Variants in PIGT observed in about 807,000 individuals in gnomAD.
The protein encoded by PIGT is phosphatidylinositol glycan anchor biosynthesis class T.
In PIGT, 57 loss-of-function variants were observed where a neutral mutation model predicts 66.7. The ratio of observed to expected loss-of-function variants is 0.86; its 90% CI spans 0.69 to 1.07. The LOEUF (loss-of-function observed/expected upper bound fraction) is 1.07. Among genes scored for constraint, PIGT ranks in the 50% least tolerant of loss-of-function variants. PIGT has a pLI of 0.00. For missense variants in PIGT, 725 were observed against 740.4 expected, an observed-to-expected ratio of 0.98 and a Z score of 0.24; for synonymous variants, 362 against 320.5, an observed-to-expected ratio of 1.13 and a Z score of -1.38.
Position 45,416,188 on chromosome 20 carries a change from T to A in PIGT, c.32T>A (p.Val11Asp). 1 of 1,586,118 alleles carries A rather than the reference T, an allele frequency of 6.3e-7. No individual in the cohort carries two copies. Among genetic ancestry groups the A allele is most frequent in the Non-Finnish European group, 8.6e-7 (1 of 1,167,536 alleles). Residue 11 changes from valine (V) to aspartate (D), a missense_variant, in exon 1 of 12, where the codon GTC (valine) becomes GAC (aspartate). Val to Asp is a radical substitution (Grantham distance 152). Around this residue, in one of 3 missense-constraint regions of PIGT, gnomAD observed 559 missense variants for 552.7 expected, o/e 1.01. Coordinates refer to ENST00000279036, the MANE Select transcript of PIGT (RefSeq NM_015937.6). Reference protein sequence around the residue: MAAAMPLALLVLLLLGPGGWC... With the variant: MAAAMPLALLDLLLLGPGGWC... Reference sequence around the variant, plus strand: ...GCGGCTATGCCGCTTGCTCTGCTCGTCCTGTTGCTCCTGGGGCCCGGCGGC... The same window carrying A: ...GCGGCTATGCCGCTTGCTCTGCTCGACCTGTTGCTCCTGGGGCCCGGCGGC...
chr20:45,422,870 AT>A (rs1253372934), intron 9 of PIGT: 27 of 152,064 alleles, frequency 1.8e-4, no homozygotes, highest in Admixed American at 1.7e-3. Context: ...GTTTGTTTAA[AT>A]TGGGATAAAC....
In PIGT at chr20:45,420,554, AC is replaced by A; in HGVS notation, c.899del (p.Pro300ArgfsTer10). On this transcript the variant is annotated frameshift_variant, in exon 8 of 12. Coordinates refer to ENST00000279036, the MANE Select transcript of PIGT (RefSeq NM_015937.6). LOFTEE classifies it high-confidence loss of function. ...QDNETLEVHP[P>X]PTTTYQDVIL... Reference sequence around the variant, plus strand: ...ACAACGAGACATTAGAGGTGCACCCACCCCCGACCACTACATATCAGGACGT... The same window carrying A: ...ACAACGAGACATTAGAGGTGCACCCACCCCGACCACTACATATCAGGACGT... The A allele has an allele frequency of 3.1e-6, 5 of 1,613,092 alleles. No individual in the cohort carries two copies. The highest frequency in any genetic ancestry group is 4.2e-6 in the Non-Finnish European group (5 of 1,179,850).
chr20:45,425,634 G>C lies in PIGT; in HGVS notation c.1545G>C (p.Val515=). 2 of 1,614,096 alleles carry C rather than the reference G, an allele frequency of 1.2e-6. No homozygotes were observed. The highest frequency in any genetic ancestry group is 1.7e-6 in the Non-Finnish European group (2 of 1,180,014). ...GGCTCTACACGGAGCCGCTGCTGGT[G>C]AACCTGCCGACACCGGACTTCAGCA... is the stretch of plus-strand genomic sequence containing the variant. ...FVRLYTEPLL[V]NLPTPDFSMP... The change falls in exon 12 of 12, where the codon GTG becomes GTC. Residue 515 remains valine, a synonymous_variant. Coordinates refer to ENST00000279036, the MANE Select transcript of PIGT (RefSeq NM_015937.6).
At chr20:45,419,960 A>G (rs1383619666) in intron 5 of PIGT, 176 bp from the exon 6 acceptor site, 1 of 615,110 alleles carries the variant, frequency 1.6e-6, no homozygotes, top group Non-Finnish European at 2.9e-6. Context: ...AAACTGATGC[A>G]CATACAGCTG....
chr20:45,425,512 A>C (rs1568955440), intron 11 of PIGT, 62 bp from the exon 12 acceptor site: 1 of 1,573,866 alleles, frequency 6.4e-7, no homozygotes, highest in Non-Finnish European at 8.6e-7. Flanking sequence ...TGCCGGAATG[A>C]GGATGGGGTG....
chr20:45,419,184 G>A lies in PIGT; in HGVS notation c.494-111G>A, dbSNP rs78385013. On this transcript the variant is annotated intron_variant, in intron 3 of 11. Transcript: ENST00000279036. ...ACTCCCAGTTGGGACTGTCCAGACTGTGGTGCTAGAGGTGGTGTGGGGAGC... is the reference window on the plus strand; with the variant it reads ...ACTCCCAGTTGGGACTGTCCAGACTATGGTGCTAGAGGTGGTGTGGGGAGC... 5.5e-4 allele frequency: 598 copies of A among 1,094,354 alleles called. 3 individuals carry two copies. In the African/African-American group the frequency reaches 8.4e-3, roughly 15 times the overall value. The allele number at this position is 1,094,354 out of a possible 1,614,324, so 67.8% of individuals were successfully genotyped here.
chr20:45,425,962 T>G lies in PIGT; in HGVS notation c.*136T>G. On this transcript the variant is annotated 3_prime_UTR_variant, in exon 12 of 12. Transcript: ENST00000279036. ...TGGACCAGGTCAGGGCCTACAGCTGTGTTGTCCAGTACAGGAGCCACGAGC... is the reference window on the plus strand; with the variant it reads ...TGGACCAGGTCAGGGCCTACAGCTGGGTTGTCCAGTACAGGAGCCACGAGC... 1.1e-6 allele frequency: 1 copy of G among 927,460 alleles called. No individual in the cohort carries two copies. Among genetic ancestry groups the G allele is most frequent in the Non-Finnish European group, 1.6e-6 (1 of 632,016 alleles). The allele number at this position is 927,460 out of a possible 1,614,324, so 57.5% of individuals were successfully genotyped here.
At chr20:45,418,690 T>TG (rs1990141570) in intron 2 of PIGT, 162 bp from the exon 3 acceptor site, 1 of 775,908 alleles carries the variant, frequency 1.3e-6, no homozygotes, top group Non-Finnish European at 2.2e-6. Context: ...ACCCAGCAAG[T>TG]GGGCTGGCTG....
chr20:45,419,193 GA>G (rs756786316), intron 3 of PIGT, 101 bp from the exon 4 acceptor site: 16 of 1,127,758 alleles, frequency 1.4e-5, no homozygotes, highest in Non-Finnish European at 1.8e-5. Context: ...TGTGGTGCTA[GA>G]GGTGGTGTGG....
chr20:45,416,367 G>C, intron 1 of PIGT, 24 bp downstream of exon 1: 3 of 1,564,024 alleles, frequency 1.9e-6, no homozygotes, highest in Non-Finnish European at 2.6e-6. Context: ...ATCTGACCAG[G>C]GAAAGATTTC....
intron 9 of PIGT, chr20:45,422,775 ATACT>A (rs1273696383): frequency 6.6e-6 from 1 of 152,160 alleles, no homozygotes; most frequent in Non-Finnish European, 1.5e-5. Flanking sequence ...TAACCTTTAA[ATACT>A]TTAAGGATTT....
intron 2 of PIGT, 114 bp from the exon 3 acceptor site, chr20:45,418,738 T>G: frequency 7.4e-7 from 1 of 1,345,234 alleles, no homozygotes; most frequent in Admixed American, 1.7e-5. Flanking sequence ...CTGGCCCGTC[T>G]AATAGTTAAG....
Position 45,424,526 on chromosome 20 carries a change from C to G in PIGT, c.1431C>G (p.Ser477Arg). The G allele has an allele frequency of 6.2e-7, 1 of 1,614,182 alleles. No individual in the cohort carries two copies. Among genetic ancestry groups the G allele is most frequent in the South Asian group, 1.1e-5 (1 of 91,084 alleles). Reference sequence around the variant, plus strand: ...CTGTCCTCAGCGCCCTTGTGCCCAGCATGGTAGCAGCCAAGCCAGTGGACT... The same window carrying G: ...CTGTCCTCAGCGCCCTTGTGCCCAGGATGGTAGCAGCCAAGCCAGTGGACT... ...SPSVLSALVP[S>R]MVAAKPVDWE... Residue 477 changes from serine to arginine, a missense_variant, in exon 11 of 12, where the codon AGC becomes AGG. Coordinates refer to ENST00000279036, the MANE Select transcript of PIGT (RefSeq NM_015937.6).
rs1432217189 is a variant in PIGT at position 45,416,216 on chromosome 20, G to C, written c.60G>C (p.Trp20Cys). The C allele has an allele frequency of 7.5e-6, 12 of 1,595,358 alleles. No homozygotes were observed. The highest frequency in any genetic ancestry group is 1.7e-5 in the Admixed American group (1 of 57,326). ...TGTTGCTCCTGGGGCCCGGCGGCTG[G>C]TGCCTTGCAGAACCCCCACGCGACA... ...LVLLLLGPGG[W>C]CLAEPPRDSL... Residue 20 changes from tryptophan (W) to cysteine (C), a missense_variant, in exon 1 of 12, where the codon TGG (tryptophan) becomes TGC (cysteine). Around this residue, in one of 3 missense-constraint regions of PIGT, gnomAD observed 559 missense variants for 552.7 expected, o/e 1.01. Coordinates refer to ENST00000279036, the MANE Select transcript of PIGT (RefSeq NM_015937.6).
Position 45,420,206 on chromosome 20 carries a change from C to A in PIGT, c.752C>A (p.Thr251Lys). 6.2e-7 allele frequency: 1 copy of A among 1,611,462 alleles called. No individual in the cohort carries two copies. The highest frequency in any genetic ancestry group is 8.5e-7 in the Non-Finnish European group (1 of 1,178,652). Residue 251 changes from threonine (T) to lysine (K), a missense_variant, in exon 6 of 12, where the codon ACG becomes AAG. Coordinates refer to ENST00000279036, the MANE Select transcript of PIGT (RefSeq NM_015937.6). ...TCAGTTGTATTTGATGCCTTCATCA[C>A]GGGGCAGGGAAAGAAAGGTAAGTTA... Reference protein sequence around the residue: ...TLSVVFDAFITGQGKKDWSLF... With the variant: ...TLSVVFDAFIKGQGKKDWSLF...
At chr20:45,423,998 C>T (rs1225699142) in intron 9 of PIGT, 1 of 579,166 alleles carries the variant, frequency 1.7e-6, no homozygotes, top group African/African-American at 1.9e-5. Context: ...CTGCAGCACT[C>T]CTAACAACCT....
At chr20:45,421,735 C>CGGGAG in intron 9 of PIGT, 152 bp downstream of exon 9, 1 of 640,068 alleles carries the variant, frequency 1.6e-6, no homozygotes, top group Non-Finnish European at 2.8e-6. Flanking sequence ...AAAACTGGAA[C>CGGGAG]GGGAGCCTCA....
intron 1 of PIGT, 26 bp downstream of exon 1, chr20:45,416,369 A>G (rs759190643): frequency 4.5e-6 from 7 of 1,562,600 alleles, no homozygotes; most frequent in Non-Finnish European, 3.5e-6. Flanking sequence ...CTGACCAGGG[A>G]AAGATTTCCG....
rs750403754 is a variant in PIGT, at chr20:45,419,316, G to T, written c.515G>T (p.Arg172Leu). 2.5e-6 allele frequency: 4 copies of T among 1,613,938 alleles called. No individual in the cohort carries two copies. The highest frequency in any genetic ancestry group is 3.4e-6 in the Non-Finnish European group (4 of 1,179,964). ...LANDTDHYFL[R>L]YAVLPREVVC... The stretch of plus-strand genomic sequence containing the variant: ...TCAGACACTGACCACTACTTTCTGC[G>T]CTATGCTGTGCTGCCGCGGGAGGTG... Residue 172 changes from arginine to leucine, a missense_variant, in exon 4 of 12, where the codon CGC becomes CTC. Arg to Leu is a moderately radical substitution (Grantham distance 102, BLOSUM62 -2). Coordinates refer to ENST00000279036, the MANE Select transcript of PIGT (RefSeq NM_015937.6).
Sources: allele counts gnomAD v4.1 joint callset, GRCh38; gene constraint gnomAD v4.1.1; regional missense constraint gnomAD v4.1.1; transcripts MANE v1.5; gene names NCBI Gene and HGNC (gene_info 2026-07-23, HGNC 2026-07-21).